BRF1: variants seen among roughly 807,000 people sequenced by gnomAD.
BRF1 encodes transcription factor IIIB 90 kDa subunit.
BRF1 carries 59 observed loss-of-function variants against 81.7 expected under a neutral mutation model. That is an observed-to-expected ratio of 0.72 (90% CI 0.59 to 0.90). The LOEUF (loss-of-function observed/expected upper bound fraction) is 0.90. Ranked by LOEUF, BRF1 falls within the 40% of genes least tolerant of loss-of-function variation. The pLI is 0.00. For synonymous variants in BRF1, 491 were observed against 395.6 expected (o/e 1.24, Z -2.86); for missense variants, 1,050 against 936.3 (o/e 1.12, Z -1.58).
At chr14:105,301,780 A>G (rs1055571029), upstream of BRF1, among the ~76,000 whole-genome samples, 2 of 151,964 alleles carry the variant, frequency 1.3e-5, no homozygotes, top group Non-Finnish European at 2.9e-5. Context: ...CACGCCCTCA[A>G]ATATCTGCAG....
intron 15 of BRF1, among the ~76,000 whole-genome samples, chr14:105,214,607 G>A (rs587773767): frequency 4.6e-5 from 7 of 151,416 alleles, no homozygotes; most frequent in African/African-American, 1.7e-4. Context: ...GCATCATGAC[G>A]CAGGACCAGG....
chr14:105,216,613 C>T (rs587742909), intron 15 of BRF1, among the ~76,000 whole-genome samples: 5 of 152,336 alleles, frequency 3.3e-5, no homozygotes, highest in Non-Finnish European at 7.4e-5. Flanking sequence ...GGCAGGGCCA[C>T]AGCACAGCCA....
At position 105,226,053 on chromosome 14, in the gene BRF1, G is replaced by A. The variant is rs1271231969; in HGVS notation, c.1048+16C>T. On this transcript the variant is annotated intron_variant, in intron 10 of 17. Coordinates refer to ENST00000547530, the MANE Select transcript of BRF1 (RefSeq NM_001519.4). ...ATTTTAAAGGTCTGAATAGGGGCCG[G>A]GCACAGTGGACTCACCATCTTTTGC... is the stretch of plus-strand genomic sequence containing the variant. 1 of 1,610,486 alleles carries A rather than the reference G, an allele frequency of 6.2e-7. No homozygotes were observed. Among genetic ancestry groups the A allele is most frequent in the African/African-American group, 1.3e-5 (1 of 74,930 alleles).
At chr14:105,241,457 T>C (rs1460201045) in intron 5 of BRF1, 43 bp from the exon 6 acceptor site, 8 of 1,605,294 alleles carry the variant, frequency 5.0e-6, no homozygotes, top group East Asian at 2.2e-5. Context: ...CCATGTGCCA[T>C]GGCACGTGCA....
intron 1 of BRF1, among the ~76,000 whole-genome samples, chr14:105,293,854 A>G (rs1163769010): frequency 2.6e-5 from 4 of 152,224 alleles, no homozygotes; most frequent in African/African-American, 7.2e-5. Context: ...TTAGTTAAAT[A>G]TTCCAGAGTA....
intron 4 of BRF1, among the ~76,000 whole-genome samples, chr14:105,254,318 G>A (rs1009647254): frequency 6.6e-6 from 1 of 152,178 alleles, no homozygotes; most frequent in Non-Finnish European, 1.5e-5. Context: ...GTGCAGTGGT[G>A]CAATCTCTGC....
chr14:105,255,171 G>A (rs897145764), intron 4 of BRF1, among the ~76,000 whole-genome samples: 19 of 152,258 alleles, frequency 1.2e-4, no homozygotes, highest in African/African-American at 3.4e-4. Flanking sequence ...GACCACTTCC[G>A]GAGCAGCTGC....
In BRF1 at chr14:105,209,423, G is replaced by A. The variant is rs1048464624; in HGVS notation, c.*1128C>T. The A allele has an allele frequency of 5.6e-5, 38 of 681,446 alleles. No homozygotes were observed. The African/African-American group carries it at 6.7e-4, about 12-fold the overall frequency. 42.2% of individuals were successfully genotyped at this position (681,446 alleles called of 1,614,324 possible). On this transcript the variant is annotated 3_prime_UTR_variant, in exon 18 of 18. Coordinates refer to ENST00000547530, the MANE Select transcript of BRF1 (RefSeq NM_001519.4). ...GGGGGTCTGGCCTGCTGCGGGCCAAGTTGGGGCAGGACATACAGCCCATTC... is the reference window on the plus strand; with the variant it reads ...GGGGGTCTGGCCTGCTGCGGGCCAAATTGGGGCAGGACATACAGCCCATTC...
intron 5 of BRF1, among the ~76,000 whole-genome samples, chr14:105,243,498 GT>G (rs2054864101): frequency 6.6e-6 from 1 of 150,802 alleles, no homozygotes; most frequent in Non-Finnish European, 1.5e-5. Context: ...GTGTGGTCTA[GT>G]CCCAGCTACT....
chr14:105,246,028 G>C (rs1793549079), intron 5 of BRF1, among the ~76,000 whole-genome samples: 1 of 152,066 alleles, frequency 6.6e-6, no homozygotes. Flanking sequence ...TCTCATAAGG[G>C]GTTAACAGCC....
At chr14:105,303,169 T>A (rs1032695503), upstream of BRF1, among the ~76,000 whole-genome samples, 15 of 152,198 alleles carry the variant, frequency 9.9e-5, no homozygotes, top group African/African-American at 3.6e-4. Context: ...CCTCAAGTGA[T>A]CCACCTGTCT....
chr14:105,250,174 G>A, intron 5 of BRF1: 1 of 1,612,934 alleles, frequency 6.2e-7, no homozygotes, highest in Middle Eastern at 1.7e-4. Context: ...CCACCAACAA[G>A]CCCCGCCTGG....
chr14:105,305,711 G>A (rs2058167560), upstream of BRF1, among the ~76,000 whole-genome samples: 2 of 152,218 alleles, frequency 1.3e-5, no homozygotes, highest in African/African-American at 4.8e-5. Flanking sequence ...GACCGGTTAG[G>A]TGCCCCATGC....
chr14:105,300,361 C>T, intron 1 of BRF1, 85 bp downstream of exon 1: 1 of 1,353,944 alleles, frequency 7.4e-7, no homozygotes, highest in Non-Finnish European at 9.6e-7. Flanking sequence ...GGTACCGAGG[C>T]GCTGGTCCCG....
At chr14:105,285,947 G>C (rs956066238) in intron 2 of BRF1, among the ~76,000 whole-genome samples, 3 of 152,216 alleles carry the variant, frequency 2.0e-5, no homozygotes, top group African/African-American at 7.2e-5. Flanking sequence ...TCTCCAGTTT[G>C]TGGTGAACTG....
intron 3 of BRF1, among the ~76,000 whole-genome samples, chr14:105,268,503 C>G (rs1595430795): frequency 6.6e-6 from 1 of 152,328 alleles, no homozygotes; most frequent in East Asian, 1.9e-4. Flanking sequence ...GTGTGCACAG[C>G]CCCCGGCACT....
Position 105,209,416 on chromosome 14 carries a change from G to C in BRF1, c.*1135C>G. 3.0e-6 allele frequency: 2 copies of C among 673,918 alleles called. No individual in the cohort carries two copies. Among genetic ancestry groups the C allele is most frequent in the Non-Finnish European group, 5.4e-6 (2 of 368,418 alleles). The allele number at this position is 673,918 out of a possible 1,614,324, so 41.7% of individuals were successfully genotyped here. ...GGGGTAGGGGGGTCTGGCCTGCTGC[G>C]GGCCAAGTTGGGGCAGGACATACAG... is the stretch of plus-strand genomic sequence containing the variant. On this transcript the variant is annotated 3_prime_UTR_variant, in exon 18 of 18. Coordinates refer to ENST00000547530, the MANE Select transcript of BRF1 (RefSeq NM_001519.4).
rs886583415 is a variant in BRF1, at chr14:105,218,990, G to A, written c.1515+8C>T. The A allele has an allele frequency of 7.4e-6, 12 of 1,613,792 alleles. No individual in the cohort carries two copies. In the Middle Eastern group the frequency reaches 5.0e-4, roughly 67 times the overall value. On this transcript the variant is annotated splice_region_variant and intron_variant, in intron 14 of 17. Coordinates refer to ENST00000547530, the MANE Select transcript of BRF1 (RefSeq NM_001519.4). ...AAGAAGGCCAGGCCCAGCGTCACAG[G>A]CGCCCACCTTGTGTTCCTTGTAGAT...
In BRF1 at chr14:105,209,683, G is replaced by C. The variant is rs587634092; in HGVS notation, c.*868C>G. ...GCCTGATCCAGCTCTGACAGGGAGC[G>C]CCACTGCCCTCTGGCTCTGTCCACG... On this transcript the variant is annotated 3_prime_UTR_variant, in exon 18 of 18. Transcript: ENST00000547530. The C allele has an allele frequency of 9.8e-5, 64 of 654,112 alleles. 2 individuals are homozygous for C. The South Asian group carries it at 1.0e-3, about 10-fold the overall frequency. 40.5% of individuals were successfully genotyped at this position (654,112 alleles called of 1,614,324 possible).
Sources: gnomAD v4.1 joint callset for allele counts (sites outside exome capture counted in the v4.1 genomes callset) on GRCh38, gnomAD v4.1.1 for gene constraint, MANE v1.5 for transcripts, NCBI Gene and HGNC (gene_info 2026-07-23, HGNC 2026-07-21) for gene names.